The following MAP2K6 variants were observed in gnomAD, a reference collection of about 807,000 sequenced individuals.
MAP2K6 encodes the protein dual specificity mitogen-activated protein kinase kinase 6.
A neutral mutation model predicts 53.7 loss-of-function variants in MAP2K6; 16 were observed. The ratio of observed to expected loss-of-function variants is 0.30; its 90% CI spans 0.20 to 0.45. The LOEUF is 0.45. Among genes scored for constraint, MAP2K6 ranks in the 20% least tolerant of loss-of-function variants. The pLI, the probability that MAP2K6 is intolerant of heterozygous loss-of-function variation, is 1.00. For missense variants in MAP2K6, 204 were observed against 411.9 expected (o/e 0.50, Z 4.37); for synonymous variants, 132 against 143.1 (o/e 0.92, Z 0.55).
intron 1 of MAP2K6, among the ~76,000 whole-genome samples, chr17:69,423,627 A>C (rs1906168934): frequency 1.3e-5 from 2 of 152,238 alleles, no homozygotes; most frequent in African/African-American, 2.4e-5. Flanking sequence ...CCCAGCCCAC[A>C]GGAAACGTCT....
rs547929300 is a variant in MAP2K6 at position 69,432,590 on chromosome 17, G to A, written c.16+17590G>A. On this transcript the variant is annotated intron_variant, in intron 1 of 11. Transcript: ENST00000590474. ...ACACCACATGTTCTCACTTATAAGT[G>A]GGAGCTGAACAATGAGAACGCATGG... 4.4e-3 allele frequency among the ~76,000 whole-genome samples: 668 copies of A among 151,976 alleles called. 5 individuals are homozygous for A. The highest frequency in any genetic ancestry group is 0.015 in the African/African-American group (631 of 41,394).
intron 1 of MAP2K6, chr17:69,434,747 T>C (rs1008474233): frequency 6.6e-6 from 1 of 152,198 alleles, no homozygotes; most frequent in African/African-American, 2.4e-5. Context: ...CTTGCATAGT[T>C]CTTAGCAACA....
chr17:69,532,108 G>A (rs1401856279), intron 10 of MAP2K6, among the ~76,000 whole-genome samples: 1 of 152,136 alleles, frequency 6.6e-6, no homozygotes, highest in Non-Finnish European at 1.5e-5. Context: ...CATATTGAAG[G>A]GTAGTGGAGG....
At chr17:69,493,760 C>G (rs1344897318) in intron 1 of MAP2K6, among the ~76,000 whole-genome samples, 1 of 119,242 alleles carries the variant, frequency 8.4e-6, no homozygotes, top group Non-Finnish European at 1.8e-5. Flanking sequence ...AACTCCATCT[C>G]AAGAAAAAAG....
At chr17:69,525,229 A>G (rs923416401) in intron 9 of MAP2K6, among the ~76,000 whole-genome samples, 4 of 152,190 alleles carry the variant, frequency 2.6e-5, no homozygotes, top group Non-Finnish European at 2.9e-5. Context: ...AGTAATTGTT[A>G]CAGTCACATG....
At chr17:69,536,023 A>G in intron 10 of MAP2K6, 92 bp from the exon 11 acceptor site, 1 of 808,338 alleles carries the variant, frequency 1.2e-6, no homozygotes, top group African/African-American at 1.7e-5. Context: ...TTTAAAGCTG[A>G]TTATGTTTAG....
intron 1 of MAP2K6, among the ~76,000 whole-genome samples, chr17:69,419,268 A>G (rs551383453): frequency 2.0e-5 from 3 of 152,188 alleles, no homozygotes; most frequent in Non-Finnish European, 2.9e-5. Context: ...CATTTGCCCA[A>G]TTATTTCTTT....
chr17:69,442,279 G>C (rs1226487028), intron 1 of MAP2K6, among the ~76,000 whole-genome samples: 3 of 150,250 alleles, frequency 2.0e-5, no homozygotes, highest in Non-Finnish European at 4.4e-5. Context: ...GTATGCTGTT[G>C]CTCTAAGAGC....
At chr17:69,423,310 GACAA>G (rs1906157093) in intron 1 of MAP2K6, among the ~76,000 whole-genome samples, 1 of 152,040 alleles carries the variant, frequency 6.6e-6, no homozygotes, top group Non-Finnish European at 1.5e-5. Context: ...ATTCAGCATC[GACAA>G]ACAAAGTTTT....
At chr17:69,470,380 C>T (rs1289007576) in intron 1 of MAP2K6, among the ~76,000 whole-genome samples, 2 of 152,130 alleles carry the variant, frequency 1.3e-5, no homozygotes, top group Non-Finnish European at 2.9e-5. Flanking sequence ...CTCGGAGCAT[C>T]ACCAAGATGA....
At chr17:69,421,384 T>G (rs1284014447) in intron 1 of MAP2K6, among the ~76,000 whole-genome samples, 1 of 152,188 alleles carries the variant, frequency 6.6e-6, no homozygotes, top group East Asian at 1.9e-4. Context: ...TCTGCTAACT[T>G]TCTTTTTAAA....
chr17:69,498,859 T>C (rs1187635608), intron 1 of MAP2K6, among the ~76,000 whole-genome samples: 1 of 152,104 alleles, frequency 6.6e-6, no homozygotes, highest in East Asian at 1.9e-4. Flanking sequence ...TGGGCAAATG[T>C]CTGCATGGTC....
At chr17:69,520,214 T>C in intron 5 of MAP2K6, 56 bp from the exon 6 acceptor site, 1 of 923,042 alleles carries the variant, frequency 1.1e-6, no homozygotes, top group South Asian at 1.5e-5. Context: ...TTTTTTTTAT[T>C]TTTATTTCTC....
Position 69,513,340 on chromosome 17 carries a change from T to G in MAP2K6, c.84-3515T>G, listed in dbSNP as rs552477705. On this transcript the variant is annotated intron_variant, in intron 2 of 11. Transcript: ENST00000590474. The stretch of plus-strand genomic sequence containing the variant: ...AGCAGGTAAAAAGCTCTTAGCCCAG[T>G]TTTTTATATTTCCTTCTCTTCTTCC... Among the ~76,000 whole-genome samples, 43 of 152,336 alleles carry G rather than the reference T, an allele frequency of 2.8e-4. 1 individual carries two copies. In the South Asian group the frequency reaches 7.7e-3, roughly 27 times the overall value.
At chr17:69,468,448 G>A (rs949558129) in intron 1 of MAP2K6, among the ~76,000 whole-genome samples, 1 of 152,196 alleles carries the variant, frequency 6.6e-6, no homozygotes, top group Non-Finnish European at 1.5e-5. Flanking sequence ...TTCTGCTCTC[G>A]CAAAACTTAG....
At chr17:69,438,632 G>A (rs2145146103) in intron 1 of MAP2K6, among the ~76,000 whole-genome samples, 1 of 152,192 alleles carries the variant, frequency 6.6e-6, no homozygotes, top group East Asian at 1.9e-4. Context: ...TGTCACCCAG[G>A]CTGTAATGCA....
chr17:69,505,434 C>T (rs1447599327), intron 1 of MAP2K6: 8 of 197,868 alleles, frequency 4.0e-5, no homozygotes, highest in Non-Finnish European at 9.3e-6. Context: ...CAGAGTGAGA[C>T]TCTGTCTCAA....
chr17:69,430,203 G>A (rs1906413190), intron 1 of MAP2K6, among the ~76,000 whole-genome samples: 1 of 152,076 alleles, frequency 6.6e-6, no homozygotes, highest in Admixed American at 6.5e-5. Flanking sequence ...AGGCGTGGTG[G>A]CACATGCCTG....
rs1908457164 is a variant in MAP2K6 at position 69,484,542 on chromosome 17, A to C, written c.17-21238A>C. ...CAGGTTCAGGAAAGGTTAAATATAG[A>C]GTTACTGTTGGACCTAGCAATTTCA... On this transcript the variant is annotated intron_variant, in intron 1 of 11. Transcript: ENST00000590474. Among the ~76,000 whole-genome samples the C allele has an allele frequency of 2.6e-5, 4 of 152,200 alleles. No homozygotes were observed. The South Asian group carries it at 8.3e-4, about 32-fold the overall frequency.
Sources: gnomAD v4.1 joint callset for allele counts (sites outside exome capture counted in the v4.1 genomes callset) on GRCh38, gnomAD v4.1.1 for gene constraint, MANE v1.5 for transcripts, NCBI Gene and HGNC (gene_info 2026-07-23, HGNC 2026-07-21) for gene names.